ADAMTS19: variants seen among roughly 807,000 people sequenced by gnomAD.
ADAMTS19 encodes the protein ADAM metallopeptidase with thrombospondin type 1 motif 19, also known as A disintegrin and metalloproteinase with thrombospondin motifs 19.
A neutral mutation model predicts 153.3 loss-of-function variants in ADAMTS19; 93 were observed. That is an observed-to-expected ratio of 0.61 (90% CI 0.51 to 0.72). ADAMTS19 has a LOEUF of 0.72. Ranked by LOEUF, ADAMTS19 falls within the 30% of genes least tolerant of loss-of-function variation. The pLI, the probability that ADAMTS19 is intolerant of heterozygous loss-of-function variation, is 0.00. For synonymous variants in ADAMTS19, 600 were observed against 556.6 expected, an observed-to-expected ratio of 1.08 and a Z score of -1.10; for missense variants, 1,482 against 1,552.1, an observed-to-expected ratio of 0.95 and a Z score of 0.76.
intron 7 of ADAMTS19, among the ~76,000 whole-genome samples, chr5:129,556,183 G>A (rs1331114556): frequency 6.6e-6 from 1 of 152,132 alleles, no homozygotes; most frequent in Non-Finnish European, 1.5e-5. Flanking sequence ...AGGTAGGTAT[G>A]TAGATCATGG....
chr5:129,736,713 A>G (rs1757681624), intron 22 of ADAMTS19, among the ~76,000 whole-genome samples: 1 of 152,090 alleles, frequency 6.6e-6, no homozygotes, highest in African/African-American at 2.4e-5. Flanking sequence ...ATTCACATAA[A>G]GGTAGATATA....
chr5:129,676,650 A>G (rs530134318), intron 16 of ADAMTS19, among the ~76,000 whole-genome samples: 1 of 152,352 alleles, frequency 6.6e-6, no homozygotes, highest in Admixed American at 6.5e-5. Context: ...CTAATTTTCT[A>G]GTTATTTACC....
chr5:129,500,599 T>C (rs1751067716), intron 2 of ADAMTS19: 1 of 152,096 alleles, frequency 6.6e-6, no homozygotes, highest in Non-Finnish European at 1.5e-5. Context: ...TTTGTTTTAA[T>C]TGCAAAATAG....
At chr5:129,646,252 A>AAT (rs1231614067) in intron 11 of ADAMTS19, among the ~76,000 whole-genome samples, 4 of 152,114 alleles carry the variant, frequency 2.6e-5, no homozygotes, top group African/African-American at 9.7e-5. Flanking sequence ...AGAATCTTAG[A>AAT]ATATTGATAT....
At chr5:129,714,543 GC>G (rs1756636815) in intron 21 of ADAMTS19, among the ~76,000 whole-genome samples, 1 of 152,032 alleles carries the variant, frequency 6.6e-6, no homozygotes, top group Non-Finnish European at 1.5e-5. Context: ...AAGTAAACAT[GC>G]ACACACAGAA....
At chr5:129,587,315 C>T (rs909243793) in intron 7 of ADAMTS19, among the ~76,000 whole-genome samples, 3 of 151,364 alleles carry the variant, frequency 2.0e-5, no homozygotes, top group Admixed American at 6.6e-5. Context: ...TCAATTTTGT[C>T]TAACTTTTAC....
At chr5:129,545,873 A>T (rs1384597758) in intron 6 of ADAMTS19, among the ~76,000 whole-genome samples, 4 of 150,398 alleles carry the variant, frequency 2.7e-5, no homozygotes, top group African/African-American at 1.0e-4. Context: ...TGACCCAGCC[A>T]TCCCATTACT....
At chr5:129,462,444 A>G (rs537953146) in intron 2 of ADAMTS19, among the ~76,000 whole-genome samples, 1 of 152,140 alleles carries the variant, frequency 6.6e-6, no homozygotes, top group East Asian at 1.9e-4. Flanking sequence ...TCTTCTTTCC[A>G]CTTTTTGGAG....
chr5:129,658,370 A>AAAGG (rs1198149441), intron 14 of ADAMTS19, among the ~76,000 whole-genome samples: 1 of 148,792 alleles, frequency 6.7e-6, no homozygotes, highest in Admixed American at 6.7e-5. Flanking sequence ...AGAAAGAAAG[A>AAAGG]GAGAGAGGAA....
chr5:129,596,513 T>C (rs755389441), intron 7 of ADAMTS19, 46 bp from the exon 8 acceptor site: 45 of 1,257,658 alleles, frequency 3.6e-5, no homozygotes, highest in Non-Finnish European at 5.0e-5. Context: ...TATAAATATT[T>C]GCATATTCAT....
intron 18 of ADAMTS19, 115 bp downstream of exon 18, chr5:129,684,388 T>C: frequency 7.4e-7 from 1 of 1,349,280 alleles, no homozygotes; most frequent in Non-Finnish European, 9.9e-7. Context: ...CCATAAAGAG[T>C]TAGAAATGGA....
At chr5:129,610,984 A>G (rs1369829598) in intron 8 of ADAMTS19, among the ~76,000 whole-genome samples, 1 of 152,140 alleles carries the variant, frequency 6.6e-6, no homozygotes. Context: ...TCGCCATTCT[A>G]ACTGGTGTGA....
chr5:129,541,085 T>C (rs919811413), intron 6 of ADAMTS19, among the ~76,000 whole-genome samples: 2 of 152,082 alleles, frequency 1.3e-5, no homozygotes, highest in African/African-American at 4.8e-5. Flanking sequence ...AGAATTATCA[T>C]CTGATCTTTG....
At chr5:129,519,668 G>A (rs1223541469) in intron 3 of ADAMTS19, among the ~76,000 whole-genome samples, 1 of 151,472 alleles carries the variant, frequency 6.6e-6, no homozygotes, top group Non-Finnish European at 1.5e-5. Context: ...AAAAGAGACA[G>A]GAAGCGGAAA....
At chr5:129,463,282 G>C (rs891553791) in intron 2 of ADAMTS19, among the ~76,000 whole-genome samples, 1 of 152,112 alleles carries the variant, frequency 6.6e-6, no homozygotes, top group Non-Finnish European at 1.5e-5. Context: ...TTTTCCAAAT[G>C]ACCTATTCCT....
intron 2 of ADAMTS19, among the ~76,000 whole-genome samples, chr5:129,497,705 A>G (rs915463553): frequency 1.3e-5 from 2 of 152,050 alleles, no homozygotes; most frequent in South Asian, 2.1e-4. Flanking sequence ...ATATCACACC[A>G]TTAATGCATT....
intron 7 of ADAMTS19, among the ~76,000 whole-genome samples, chr5:129,553,299 G>A (rs184404991): frequency 2.0e-5 from 3 of 152,148 alleles, no homozygotes; most frequent in Admixed American, 2.0e-4. Flanking sequence ...TAGCCTGTAA[G>A]CAGCTACTAA....
Position 129,491,832 on chromosome 5 carries a change from C to CAA in ADAMTS19, c.748-17244_748-17243insAA, listed in dbSNP as rs1750780584. 2.0e-5 allele frequency among the ~76,000 whole-genome samples: 3 copies of CAA among 152,162 alleles called. No individual in the cohort carries two copies. The South Asian group carries it at 6.2e-4, about 32-fold the overall frequency. On this transcript the variant is annotated intron_variant, in intron 2 of 22. Coordinates refer to ENST00000274487, the MANE Select transcript of ADAMTS19 (RefSeq NM_133638.6). ...ATAAAAAGCAAATTACAGAGTGATA[C>CAA]ATAGATTATGTTACTTAATTATTAT...
intron 10 of ADAMTS19, among the ~76,000 whole-genome samples, chr5:129,637,392 G>C (rs879382319): frequency 6.6e-6 from 1 of 152,122 alleles, no homozygotes; most frequent in Non-Finnish European, 1.5e-5. Flanking sequence ...GTTGAAATTT[G>C]TTTAGCATAC....
Sources: gnomAD v4.1 joint callset for allele counts (sites outside exome capture counted in the v4.1 genomes callset) on GRCh38, gnomAD v4.1.1 for gene constraint, MANE v1.5 for transcripts, NCBI Gene and HGNC (gene_info 2026-07-23, HGNC 2026-07-21) for gene names.